Variants in DST observed in about 807,000 individuals in gnomAD.
DST encodes bullous pemphigoid antigen.
DST carries 253 observed loss-of-function variants against 875.2 expected under a neutral mutation model. The ratio of observed to expected loss-of-function variants is 0.29; its 90% CI spans 0.26 to 0.32. The LOEUF is 0.32. Ranked by LOEUF, DST falls within the 10% of genes least tolerant of loss-of-function variation. The probability of loss-of-function intolerance (pLI) is 1.00; values close to 1 mark genes in which losing one functional copy is unlikely to be tolerated. For synonymous variants in DST, 3,124 were observed against 3,197.1 expected (o/e 0.98, Z 0.77); for missense variants, 8,287 against 9,111.6 (o/e 0.91, Z 3.68).
intron 4 of DST, among the ~76,000 whole-genome samples, chr6:56,782,071 A>G (rs146595850): frequency 0.17 from 25,286 of 151,236 alleles, 2,369 homozygotes; most frequent in Middle Eastern, 0.21. Context: ...CAGGGATGAA[A>G]CCCACTTGAT....
chr6:56,499,514 A>G (rs2096048151), intron 80 of DST, among the ~76,000 whole-genome samples: 1 of 152,160 alleles, frequency 6.6e-6, no homozygotes, highest in Non-Finnish European at 1.5e-5. Context: ...TCCTGCTACA[A>G]AGTCAGAGCT....
At chr6:56,470,055 T>A (rs2094805396) in intron 96 of DST, 73 bp downstream of exon 96, 2 of 1,601,190 alleles carry the variant, frequency 1.2e-6, no homozygotes, top group Admixed American at 3.4e-5. Flanking sequence ...AATAAAATGG[T>A]TGTATGAATT....
intron 88 of DST, chr6:56,484,359 C>T (rs2095494998): frequency 6.6e-6 from 1 of 151,424 alleles, no homozygotes; most frequent in Non-Finnish European, 1.5e-5. Context: ...TAGTTTGTTT[C>T]ACTTTTCAGG....
At chr6:56,489,805 GGC>G (rs2095676425) in intron 85 of DST, among the ~76,000 whole-genome samples, 196 bp from the exon 86 acceptor site, 1 of 152,118 alleles carries the variant, frequency 6.6e-6, no homozygotes, top group Admixed American at 6.6e-5. Flanking sequence ...TAGCATTTGT[GGC>G]TGTGCCCCAC....
intron 60 of DST, among the ~76,000 whole-genome samples, chr6:56,554,863 TATC>T (rs2097381187): frequency 2.0e-5 from 3 of 152,294 alleles, no homozygotes; most frequent in South Asian, 4.1e-4. Context: ...CTCTGACAAA[TATC>T]ATCACATATG....
rs35832341 is a variant in DST, at chr6:56,926,137, TA to T, written c.217-25517del. On this transcript the variant is annotated intron_variant, in intron 2 of 103. Coordinates refer to ENST00000680361, the MANE Select transcript of DST (RefSeq NM_001374736.1). ...ACTTTTCATATAGTACAGGTGGATTTAAAAAAAAAACCTTTTTAGCATCTGG... is the reference window on the plus strand; with the variant it reads ...ACTTTTCATATAGTACAGGTGGATTTAAAAAAAAACCTTTTTAGCATCTGG... Among the ~76,000 whole-genome samples the T allele has an allele frequency of 3.7e-3, 555 of 150,004 alleles. 6 individuals are homozygous for T. The highest frequency in any genetic ancestry group is 0.013 in the African/African-American group (535 of 40,888).
intron 9 of DST, among the ~76,000 whole-genome samples, chr6:56,682,030 C>T (rs1264077600): frequency 1.3e-5 from 2 of 152,174 alleles, no homozygotes; most frequent in African/African-American, 2.4e-5. Flanking sequence ...GTAAAAATAA[C>T]CAAAACCTAG....
Position 56,568,452 on chromosome 6 carries a change from G to T in DST, c.14005+17C>A. The T allele has an allele frequency of 6.4e-7, 1 of 1,574,424 alleles. No homozygotes were observed. The highest frequency in any genetic ancestry group is 2.3e-5 in the East Asian group (1 of 43,784). The stretch of plus-strand genomic sequence containing the variant: ...CTGATTCTTAGTTTTTGCCATAAAT[G>T]TAAATAAAGCTCATACCTGATTTAA... On this transcript the variant is annotated intron_variant, in intron 55 of 103. Transcript: ENST00000680361.
At chr6:56,940,833 TC>T (rs1203035866) in intron 2 of DST, among the ~76,000 whole-genome samples, 2 of 151,842 alleles carry the variant, frequency 1.3e-5, no homozygotes, top group Non-Finnish European at 2.9e-5. Flanking sequence ...CAAGTGATCC[TC>T]CCCCGTCAGC....
At chr6:56,501,417 T>G (rs1468872937) in intron 79 of DST, 103 bp downstream of exon 79, 2 of 1,148,126 alleles carry the variant, frequency 1.7e-6, no homozygotes, top group Non-Finnish European at 2.4e-6. Context: ...AAATAGAATA[T>G]ATGAGAAGCA....
chr6:56,851,441 C>A lies in DST; in HGVS notation c.581G>T (p.Gly194Val). Residue 194 changes from glycine to valine, a missense_variant, in exon 4 of 104, where the codon GGC (glycine) becomes GTC (valine). By Grantham distance (109) the Gly-to-Val change is moderately radical. This residue lies in a region of DST where 1,160 missense variants were observed against 1,424.3 expected (regional missense o/e 0.81). Coordinates refer to ENST00000680361, the MANE Select transcript of DST (RefSeq NM_001374736.1). ...CCTCTCGGCAGGGTCCAGCACTGAG[C>A]CCCCTTGAATCTTTCTTTTCGATCT... is the stretch of plus-strand genomic sequence containing the variant. ...HERSKRKIQG[G>V]SVLDPAERAV... 1 of 1,613,876 alleles carries A rather than the reference C, an allele frequency of 6.2e-7. No homozygotes were observed. Among genetic ancestry groups the A allele is most frequent in the Non-Finnish European group, 8.5e-7 (1 of 1,179,904 alleles).
chr6:56,555,881 T>C (rs1033714636), intron 59 of DST, 41 bp from the exon 60 acceptor site: 1 of 1,421,990 alleles, frequency 7.0e-7, no homozygotes, highest in African/African-American at 1.4e-5. Context: ...TATTATATAA[T>C]TGATTGTAGA....
intron 10 of DST, among the ~76,000 whole-genome samples, chr6:56,656,217 CA>C (rs2099007643): frequency 6.6e-6 from 1 of 152,236 alleles, no homozygotes; most frequent in South Asian, 2.1e-4. Flanking sequence ...CCTAAACAAG[CA>C]CACACCCTTT....
chr6:56,934,361 C>T (rs1024170868), intron 2 of DST, among the ~76,000 whole-genome samples: 2 of 151,644 alleles, frequency 1.3e-5, no homozygotes, highest in African/African-American at 4.8e-5. Context: ...GCAACTGTTG[C>T]TTTTCTACTT....
At chr6:56,648,543 C>T (rs1587740308) in intron 13 of DST, 27 bp downstream of exon 13, 1 of 1,540,144 alleles carries the variant, frequency 6.5e-7, no homozygotes, top group African/African-American at 1.4e-5. Context: ...TGAATCAATC[C>T]TATGTAATTT....
At chr6:56,798,695 C>T (rs1258849282) in intron 4 of DST, among the ~76,000 whole-genome samples, 3 of 152,116 alleles carry the variant, frequency 2.0e-5, no homozygotes, top group African/African-American at 7.2e-5. Context: ...CAGCTACCAT[C>T]AATAGTGATT....
At chr6:56,905,639 T>C (rs1796052540) in intron 2 of DST, among the ~76,000 whole-genome samples, 1 of 152,010 alleles carries the variant, frequency 6.6e-6, no homozygotes, top group Admixed American at 6.6e-5. Context: ...TATATTGCGT[T>C]TTCTTTTTCT....
chr6:56,932,965 C>T (rs1811096363), intron 2 of DST, among the ~76,000 whole-genome samples: 1 of 151,318 alleles, frequency 6.6e-6, no homozygotes, highest in African/African-American at 2.4e-5. Context: ...TAAAATAATA[C>T]AATGTTTGGT....
At chr6:56,806,886 C>T (rs922872451) in intron 4 of DST, among the ~76,000 whole-genome samples, 1 of 152,144 alleles carries the variant, frequency 6.6e-6, no homozygotes, top group African/African-American at 2.4e-5. Context: ...TGACCAAGGT[C>T]ACTCCATAAG....
Sources: allele counts gnomAD v4.1 joint callset (sites outside exome capture counted in the v4.1 genomes callset), GRCh38; gene constraint gnomAD v4.1.1; regional missense constraint gnomAD v4.1.1; transcripts MANE v1.5; gene names NCBI Gene and HGNC (gene_info 2026-07-23, HGNC 2026-07-21).